KPTN: variants seen among roughly 807,000 people sequenced by gnomAD.
KPTN encodes kaptin, actin binding protein.
Under a neutral mutation model 52.6 loss-of-function variants are expected in KPTN, and 36 were observed. The observed-to-expected ratio is 0.68, with a 90% CI of 0.52 to 0.90. The LOEUF (loss-of-function observed/expected upper bound fraction) is 0.90, where lower values mean the gene tolerates loss of function less well. Among genes scored for constraint, KPTN ranks in the 40% least tolerant of loss-of-function variants. The pLI is 0.00. For synonymous variants in KPTN, 271 were observed against 248.4 expected, an observed-to-expected ratio of 1.09 and a Z score of -0.85; for missense variants, 529 against 576.2, an observed-to-expected ratio of 0.92 and a Z score of 0.84.
chr19:47,479,083 C>T (rs1173629499), intron 8 of KPTN, among the ~76,000 whole-genome samples: 1 of 152,212 alleles, frequency 6.6e-6, no homozygotes, highest in African/African-American at 2.4e-5. Flanking sequence ...GGCTCCGCCA[C>T]CCAGGCTGGA....
chr19:47,483,136 G>A, intron 4 of KPTN, 25 bp downstream of exon 4: 1 of 1,611,018 alleles, frequency 6.2e-7, no homozygotes, highest in Non-Finnish European at 8.5e-7. Context: ...AGTGGAGTGG[G>A]CGTCGATGCG....
chr19:47,482,473 T>A (rs1967911014), intron 4 of KPTN, among the ~76,000 whole-genome samples: 1 of 129,244 alleles, frequency 7.7e-6, no homozygotes, highest in East Asian at 2.3e-4. Context: ...AGAGCGAGCA[T>A]CTATCTCAAA....
At chr19:47,484,706 ATTTTT>A (rs35425298), upstream of KPTN, among the ~76,000 whole-genome samples, 1 of 129,168 alleles carries the variant, frequency 7.7e-6, no homozygotes, top group Non-Finnish European at 1.6e-5. Context: ...ACAGTTCACT[ATTTTT>A]TTTTTTTTTT....
chr19:47,484,383 T>G (rs562829836), upstream of KPTN: 19 of 588,310 alleles, frequency 3.2e-5, no homozygotes, highest in African/African-American at 3.0e-4. Flanking sequence ...CTCCTTTCCA[T>G]TTCTGGACCA....
chr19:47,485,352 T>C (rs1170373059), upstream of KPTN, among the ~76,000 whole-genome samples: 1 of 152,236 alleles, frequency 6.6e-6, no homozygotes, highest in East Asian at 1.9e-4. Context: ...CACTGACTGA[T>C]ATGCTAGCAA....
chr19:47,480,459 C>T (rs749664145), intron 6 of KPTN, 52 bp from the exon 7 acceptor site: 2 of 1,329,734 alleles, frequency 1.5e-6, no homozygotes, highest in East Asian at 5.0e-5. Flanking sequence ...GGCCCAGCCC[C>T]GCCCCTCTGC....
At chr19:47,484,242 G>A (rs1159216273), upstream of KPTN, 3 of 1,452,196 alleles carry the variant, frequency 2.1e-6, no homozygotes, top group East Asian at 5.0e-5. Context: ...GACCTGAACC[G>A]CCGGGTGCCC....
In KPTN at chr19:47,475,349, C is replaced by T. The variant is rs887770638; in HGVS notation, c.*67G>A. On this transcript the variant is annotated 3_prime_UTR_variant, in exon 12 of 12. Coordinates refer to ENST00000338134, the MANE Select transcript of KPTN (RefSeq NM_007059.4). ...GCATCCTGTCCTTCAGGACACCCCCCACCAGCGGCTGGAGGTGAGCACGCC... is the reference window on the plus strand; with the variant it reads ...GCATCCTGTCCTTCAGGACACCCCCTACCAGCGGCTGGAGGTGAGCACGCC... 6 of 1,563,330 alleles carry T rather than the reference C, an allele frequency of 3.8e-6. No homozygotes were observed. The highest frequency in any genetic ancestry group is 3.5e-4 in the Middle Eastern group (2 of 5,694).
At chr19:47,484,376 C>T, upstream of KPTN, 1 of 598,870 alleles carries the variant, frequency 1.7e-6, no homozygotes, top group Non-Finnish European at 2.9e-6. Context: ...CTCTCTTCTC[C>T]TTTCCATTTC....
At chr19:47,484,895 T>C (rs1968025949), upstream of KPTN, among the ~76,000 whole-genome samples, 1 of 152,082 alleles carries the variant, frequency 6.6e-6, no homozygotes, top group Non-Finnish European at 1.5e-5. Context: ...AGATGGGGTT[T>C]CGCCATGTTG....
Position 47,483,519 on chromosome 19 carries a change from C to A in KPTN, c.292G>T (p.Gly98Trp). 6.3e-7 allele frequency: 1 copy of A among 1,589,928 alleles called. No individual in the cohort carries two copies. Among genetic ancestry groups the A allele is most frequent in the East Asian group, 2.3e-5 (1 of 43,548 alleles). Residue 98 changes from glycine to tryptophan, a missense_variant, in exon 2 of 12, where the codon GGG (glycine) becomes TGG (tryptophan). Gly to Trp is a radical substitution (Grantham distance 184, BLOSUM62 -2). Coordinates refer to ENST00000338134, the MANE Select transcript of KPTN (RefSeq NM_007059.4). ...KSPPKRGLVV[G>W]ITFIKDSGDK... ...CTAGGTACCTTGATGAACGTGATCC[C>A]CACAACCAGACCCCGCTTGGGGGGT...
intron 1 of KPTN, 146 bp downstream of exon 1, chr19:47,483,789 T>C (rs1967974981): frequency 8.4e-7 from 1 of 1,192,128 alleles, no homozygotes; most frequent in South Asian, 1.5e-5. Flanking sequence ...GGGCCCCAAC[T>C]ATGCCTGCCC....
chr19:47,479,444 T>A (rs1246079939), intron 8 of KPTN, among the ~76,000 whole-genome samples: 1 of 151,754 alleles, frequency 6.6e-6, no homozygotes, highest in African/African-American at 2.4e-5. Flanking sequence ...CAGCGGTGAG[T>A]CCAGGAGCAT....
At chr19:47,475,572 T>C (rs746568211) in intron 11 of KPTN, 28 bp from the exon 12 acceptor site, 2 of 1,605,982 alleles carry the variant, frequency 1.2e-6, no homozygotes, top group East Asian at 2.3e-5. Flanking sequence ...ATGAGGGGGA[T>C]GGAGCTGAGG....
chr19:47,484,544 T>C (rs369505465), upstream of KPTN: 8 of 224,302 alleles, frequency 3.6e-5, no homozygotes, highest in Non-Finnish European at 7.0e-5. Context: ...TTCCATCTAA[T>C]ACTTTATTAA....
Position 47,484,013 on chromosome 19 carries a change from C to T in KPTN, c.148G>A (p.Val50Met). The T allele has an allele frequency of 6.2e-7, 1 of 1,613,256 alleles. No homozygotes were observed. Among genetic ancestry groups the T allele is most frequent in the Non-Finnish European group, 8.5e-7 (1 of 1,180,018 alleles). ...AGGTCTTGGTAGCGGAAGCCGAGCACCTTGCCTTTAAGGGTGGCGGCCAGC... is the reference window on the plus strand; with the variant it reads ...AGGTCTTGGTAGCGGAAGCCGAGCATCTTGCCTTTAAGGGTGGCGGCCAGC... ...ELLAATLKGK[V>M]LGFRYQDLRQ... The change falls in exon 1 of 12, where the codon GTG becomes ATG. Residue 50 changes from valine (V) to methionine (M), a missense_variant. By Grantham distance (21) the Val-to-Met change is conservative (BLOSUM62 1). Transcript: ENST00000338134.
At position 47,484,106 on chromosome 19, in the gene KPTN, A is replaced by G. The variant is rs1207510095; in HGVS notation, c.55T>C (p.Phe19Leu). Residue 19 changes from phenylalanine (F) to leucine (L), a missense_variant, in exon 1 of 12, where the codon TTC becomes CTC. Physicochemically the swap from Phe to Leu is conservative, Grantham distance 22 (BLOSUM62 0). Coordinates refer to ENST00000338134, the MANE Select transcript of KPTN (RefSeq NM_007059.4). Reference sequence around the variant, plus strand: ...TTGCTCTGCGACGAGAAGCGCGTGAAGCTGTCCTCGCGCAACGGACAAGGC... The same window carrying G: ...TTGCTCTGCGACGAGAAGCGCGTGAGGCTGTCCTCGCGCAACGGACAAGGC... ...AGPCPLREDS[F>L]TRFSSQSNVY... 1 of 1,604,620 alleles carries G rather than the reference A, an allele frequency of 6.2e-7. No homozygotes were observed. Among genetic ancestry groups the G allele is most frequent in the Non-Finnish European group, 8.5e-7 (1 of 1,179,666 alleles).
chr19:47,482,298 G>C (rs1362570891), intron 4 of KPTN, among the ~76,000 whole-genome samples: 1 of 152,086 alleles, frequency 6.6e-6, no homozygotes, highest in Non-Finnish European at 1.5e-5. Context: ...AGACTAGCCT[G>C]GCCAACATGG....
At chr19:47,480,930 C>T (rs777690246) in intron 5 of KPTN, 28 bp downstream of exon 5, 15 of 1,612,418 alleles carry the variant, frequency 9.3e-6, no homozygotes, top group Admixed American at 6.7e-5. Context: ...TCCCACAGGG[C>T]TCTGCCCAGC....
Sources: gnomAD v4.1 joint callset for allele counts (sites outside exome capture counted in the v4.1 genomes callset) on GRCh38, gnomAD v4.1.1 for gene constraint, MANE v1.5 for transcripts, NCBI Gene and HGNC (gene_info 2026-07-23, HGNC 2026-07-21) for gene names.